Variants in WARS2 observed in about 807,000 individuals in gnomAD.
WARS2 encodes tryptophanyl tRNA synthetase 2, mitochondrial.
A neutral mutation model predicts 36.5 loss-of-function variants in WARS2; 28 were observed. That is an observed-to-expected ratio of 0.77 (90% CI 0.57 to 1.05). The LOEUF (loss-of-function observed/expected upper bound fraction) is 1.05, where lower values mean the gene tolerates loss of function less well. Ranked by LOEUF, WARS2 falls within the 50% of genes least tolerant of loss-of-function variation. WARS2 has a pLI of 0.00. For missense variants in WARS2, 435 were observed against 456.8 expected (o/e 0.95, Z 0.44); for synonymous variants, 174 against 178.4 (o/e 0.98, Z 0.20).
At chr1:119,075,154 G>GTATATATATATATATATATATATATATA (rs774946774) in intron 2 of WARS2, among the ~76,000 whole-genome samples, 1 of 151,010 alleles carries the variant, frequency 6.6e-6, no homozygotes, top group African/African-American at 2.5e-5. Context: ...AAAAATTAGT[G>GTATATATATATATATATATATATATATA]TATATATATA....
rs910408464 is a variant in WARS2 at position 119,129,746 on chromosome 1, A to T, written c.90+10809T>A. Among the ~76,000 whole-genome samples, 5 of 152,170 alleles carry T rather than the reference A, an allele frequency of 3.3e-5. No homozygotes were observed. The South Asian group carries it at 1.0e-3, about 32-fold the overall frequency. On this transcript the variant is annotated intron_variant, in intron 1 of 5. Transcript: ENST00000235521. ...TAAAAATAAAAAAAAAATAAAATAA[A>T]ATAAATCCCATTCTCTCTAACAGAT...
intron 1 of WARS2, among the ~76,000 whole-genome samples, chr1:119,125,624 T>C (rs1242992025): frequency 6.6e-6 from 1 of 152,190 alleles, no homozygotes; most frequent in African/African-American, 2.4e-5. Context: ...CTGAACAGGG[T>C]CTTTTAATCA....
intron 3 of WARS2, among the ~76,000 whole-genome samples, chr1:119,043,019 A>G (rs1648503350): frequency 6.6e-6 from 1 of 152,184 alleles, no homozygotes; most frequent in Non-Finnish European, 1.5e-5. Flanking sequence ...GTTGATGGAA[A>G]CACCTGAGAT....
At chr1:119,128,433 A>T (rs1241238889) in intron 1 of WARS2, among the ~76,000 whole-genome samples, 2 of 149,988 alleles carry the variant, frequency 1.3e-5, no homozygotes, top group Non-Finnish European at 3.0e-5. Flanking sequence ...CATTCTCTAC[A>T]CCCTCGGAAT....
At chr1:119,106,319 C>G (rs1303261368) in intron 1 of WARS2, among the ~76,000 whole-genome samples, 1 of 152,172 alleles carries the variant, frequency 6.6e-6, no homozygotes, top group Non-Finnish European at 1.5e-5. Flanking sequence ...ACATCATAAT[C>G]ACCCAAACTC....
intron 1 of WARS2, among the ~76,000 whole-genome samples, chr1:119,111,427 CT>C (rs1180457393): frequency 2.0e-5 from 3 of 152,216 alleles, no homozygotes; most frequent in Middle Eastern, 3.4e-3. Context: ...CTGGAAGAGG[CT>C]GAAGTTGGGA....
chr1:119,103,410 G>A (rs1209499712), intron 1 of WARS2, among the ~76,000 whole-genome samples: 2 of 152,080 alleles, frequency 1.3e-5, no homozygotes, highest in East Asian at 1.9e-4. Context: ...AGAGCTTTGG[G>A]CTTAATCAAG....
chr1:119,105,793 C>T (rs773283289), intron 1 of WARS2, among the ~76,000 whole-genome samples: 1 of 152,090 alleles, frequency 6.6e-6, no homozygotes, highest in Non-Finnish European at 1.5e-5. Flanking sequence ...CGCTTGTAAT[C>T]CCAGCTACTA....
intron 1 of WARS2, among the ~76,000 whole-genome samples, chr1:119,094,887 AAAAG>A (rs1653305115): frequency 6.6e-6 from 1 of 152,182 alleles, no homozygotes; most frequent in South Asian, 2.1e-4. Context: ...TTAGGAAAAA[AAAAG>A]AGAGAAAAAT....
Position 119,033,108 on chromosome 1 carries a change from C to G in WARS2, c.886G>C (p.Gly296Arg), listed in dbSNP as rs779532040. 6.2e-7 allele frequency: 1 copy of G among 1,614,216 alleles called. No homozygotes were observed. Among genetic ancestry groups the G allele is most frequent in the Non-Finnish European group, 8.5e-7 (1 of 1,180,054 alleles). Residue 296 changes from glycine (G) to arginine (R), a missense_variant, in exon 6 of 6, where the codon GGC (glycine) becomes CGC (arginine). Gly to Arg is a moderately radical substitution (Grantham distance 125). Transcript: ENST00000235521. ...AGCTTGTAGCGAGCAGTGTTCATGC[C>G]CGCGCTGCGGCGCACCACTTCCTCC... ...SVEEVVRRSA[G>R]MNTARYKLAV...
intron 1 of WARS2, among the ~76,000 whole-genome samples, chr1:119,131,813 C>T (rs1308757457): frequency 6.7e-6 from 1 of 148,598 alleles, no homozygotes; most frequent in Non-Finnish European, 1.5e-5. Flanking sequence ...TTATGAGAAG[C>T]CCCCACAGGC....
At chr1:119,049,502 G>A (rs1456634431) in intron 2 of WARS2, among the ~76,000 whole-genome samples, 2 of 152,136 alleles carry the variant, frequency 1.3e-5, no homozygotes, top group Non-Finnish European at 2.9e-5. Context: ...TATAGTTGAT[G>A]CCTTTTGAAT....
chr1:119,053,516 T>G (rs1265356699), intron 2 of WARS2, among the ~76,000 whole-genome samples: 1 of 152,208 alleles, frequency 6.6e-6, no homozygotes, highest in African/African-American at 2.4e-5. Context: ...GACAGCTGAT[T>G]TTTTTCAAAC....
intron 1 of WARS2, among the ~76,000 whole-genome samples, chr1:119,077,112 T>C (rs1425216078): frequency 8.4e-6 from 1 of 118,542 alleles, no homozygotes; most frequent in East Asian, 2.7e-4. Context: ...CACTCTAGCC[T>C]AGGCAACAGA....
intron 5 of WARS2, among the ~76,000 whole-genome samples, chr1:119,033,844 T>G (rs1647654033): frequency 6.6e-6 from 1 of 152,210 alleles, no homozygotes. Flanking sequence ...TATTTTAAAT[T>G]TTTGGTCTCT....
intron 1 of WARS2, among the ~76,000 whole-genome samples, chr1:119,086,578 C>A (rs915131104): frequency 7.2e-5 from 11 of 152,084 alleles, no homozygotes; most frequent in Admixed American, 1.3e-4. Flanking sequence ...TGACCTCACC[C>A]CAGTCAAGCA....
intron 2 of WARS2, among the ~76,000 whole-genome samples, chr1:119,073,469 T>C (rs939051815): frequency 6.6e-6 from 1 of 152,162 alleles, no homozygotes; most frequent in African/African-American, 2.4e-5. Flanking sequence ...AATTGTATAA[T>C]GTAGGCAAGA....
At chr1:119,116,261 G>A (rs372768368) in intron 1 of WARS2, among the ~76,000 whole-genome samples, 9 of 152,300 alleles carry the variant, frequency 5.9e-5, no homozygotes, top group African/African-American at 2.2e-4. Flanking sequence ...CAATGAGGAG[G>A]AGGGCTCAGC....
At chr1:119,115,904 C>G (rs1483671877) in intron 1 of WARS2, among the ~76,000 whole-genome samples, 1 of 152,190 alleles carries the variant, frequency 6.6e-6, no homozygotes, top group Non-Finnish European at 1.5e-5. Flanking sequence ...TCCTTCAAAA[C>G]ATTAACCAAG....
Sources: allele counts gnomAD v4.1 joint callset (sites outside exome capture counted in the v4.1 genomes callset), GRCh38; gene constraint gnomAD v4.1.1; transcripts MANE v1.5; gene names NCBI Gene and HGNC (gene_info 2026-07-23, HGNC 2026-07-21).